The following LIMCH1 variants were observed in gnomAD, a reference collection of about 807,000 sequenced individuals.
LIMCH1 encodes LIM and calponin homology domains 1.
In LIMCH1, 113 loss-of-function variants were observed where a neutral mutation model predicts 176.5. That is an observed-to-expected ratio of 0.64 (90% CI 0.55 to 0.75). The LOEUF (loss-of-function observed/expected upper bound fraction) is 0.75, where lower values mean the gene tolerates loss of function less well. Ranked by LOEUF, LIMCH1 falls within the 30% of genes least tolerant of loss-of-function variation. The probability of loss-of-function intolerance (pLI) is 0.00; values close to 1 mark genes in which losing one functional copy is unlikely to be tolerated. For missense variants in LIMCH1, 1,674 were observed against 1,814.9 expected, an observed-to-expected ratio of 0.92 and a Z score of 1.41; for synonymous variants, 619 against 645.9, an observed-to-expected ratio of 0.96 and a Z score of 0.63.
chr4:41,630,681 A>G (rs376239860), intron 9 of LIMCH1, among the ~76,000 whole-genome samples: 8 of 152,304 alleles, frequency 5.3e-5, no homozygotes, highest in African/African-American at 9.6e-5. Context: ...AATATTTTTC[A>G]TATACAGTCT....
chr4:41,687,523 A>C (rs553711098), intron 28 of LIMCH1, among the ~76,000 whole-genome samples: 5 of 152,218 alleles, frequency 3.3e-5, no homozygotes, highest in Non-Finnish European at 5.9e-5. Context: ...TTTAAAAAAC[A>C]ACCTGGCAAT....
intron 31 of LIMCH1, among the ~76,000 whole-genome samples, chr4:41,693,912 G>C (rs911760082): frequency 3.9e-5 from 6 of 152,086 alleles, no homozygotes; most frequent in African/African-American, 1.4e-4. Context: ...AGAACAACCT[G>C]AACCCCCCTC....
At chr4:41,549,155 G>T (rs553695850) in intron 1 of LIMCH1, among the ~76,000 whole-genome samples, 1 of 152,138 alleles carries the variant, frequency 6.6e-6, no homozygotes, top group South Asian at 2.1e-4. Flanking sequence ...CTCCCAAAGT[G>T]CTGGGATTAC....
At chr4:41,435,798 A>G (rs2062021527) in intron 1 of LIMCH1, among the ~76,000 whole-genome samples, 1 of 152,234 alleles carries the variant, frequency 6.6e-6, no homozygotes, top group South Asian at 2.1e-4. Flanking sequence ...TCAGGGTCTC[A>G]TATAAAAATG....
intron 1 of LIMCH1, among the ~76,000 whole-genome samples, chr4:41,547,687 G>A (rs2079682462): frequency 7.0e-6 from 1 of 142,704 alleles, no homozygotes; most frequent in South Asian, 2.2e-4. Flanking sequence ...ATATATGTAT[G>A]TTATATATAC....
chr4:41,650,345 T>A (rs1417412784), intron 17 of LIMCH1, 48 bp from the exon 18 acceptor site: 2 of 1,342,038 alleles, frequency 1.5e-6, no homozygotes, highest in South Asian at 2.4e-5. Context: ...TTACAGTCTT[T>A]GATTGGGGTA....
chr4:41,605,956 G>A lies in LIMCH1; in HGVS notation c.-40G>A, dbSNP rs538043400. 83 of 1,613,782 alleles carry A rather than the reference G, an allele frequency of 5.1e-5. No individual in the cohort carries two copies. Among genetic ancestry groups the A allele is most frequent in the South Asian group, 3.0e-4 (27 of 91,016 alleles). ...ACAGCTGCACATCCTACAGCGGAAC[G>A]ACACTAAACCTGAAGGAGTTTGAAG... is the stretch of plus-strand genomic sequence containing the variant. On this transcript the variant is annotated 5_prime_UTR_variant, in exon 4 of 32. Coordinates refer to ENST00000503057, the MANE Select transcript of LIMCH1 (RefSeq NM_001330672.2).
At chr4:41,544,838 C>A (rs1451859136) in intron 1 of LIMCH1, among the ~76,000 whole-genome samples, 1 of 152,190 alleles carries the variant, frequency 6.6e-6, no homozygotes, top group Non-Finnish European at 1.5e-5. Flanking sequence ...CTGAGGACTA[C>A]ACAAGATTCA....
chr4:41,567,390 G>A (rs78301439), intron 1 of LIMCH1, among the ~76,000 whole-genome samples: 122 of 152,254 alleles, frequency 8.0e-4, no homozygotes, highest in African/African-American at 2.7e-3. Flanking sequence ...TTATAAGCAC[G>A]TCAGCAAAAC....
chr4:41,659,619 G>A (rs2094554697), intron 18 of LIMCH1, among the ~76,000 whole-genome samples: 1 of 151,958 alleles, frequency 6.6e-6, no homozygotes, highest in East Asian at 1.9e-4. Flanking sequence ...AGAACCCATG[G>A]GGATATTTTA....
At chr4:41,447,625 G>A (rs1033573572) in intron 1 of LIMCH1, among the ~76,000 whole-genome samples, 1 of 152,200 alleles carries the variant, frequency 6.6e-6, no homozygotes, top group African/African-American at 2.4e-5. Context: ...GAAAATTCTT[G>A]TTGAGTAGAT....
At chr4:41,455,393 A>C (rs1334379221) in intron 1 of LIMCH1, among the ~76,000 whole-genome samples, 1 of 152,154 alleles carries the variant, frequency 6.6e-6, no homozygotes, top group Non-Finnish European at 1.5e-5. Context: ...GATTGTATGG[A>C]GTGGGGAGAA....
intron 1 of LIMCH1, among the ~76,000 whole-genome samples, chr4:41,593,905 CACAG>C (rs1447055519): frequency 1.3e-5 from 2 of 152,212 alleles, no homozygotes; most frequent in African/African-American, 4.8e-5. Flanking sequence ...TCTCTGTCTT[CACAG>C]ACAGGCAGAC....
At chr4:41,650,342 CT>C (rs994609195) in intron 17 of LIMCH1, 50 bp from the exon 18 acceptor site, 1 of 1,321,900 alleles carries the variant, frequency 7.6e-7, no homozygotes, top group African/African-American at 1.5e-5. Flanking sequence ...TTGTTACAGT[CT>C]TTGATTGGGG....
At chr4:41,604,275 T>C in intron 3 of LIMCH1, 34 of 909,508 alleles carry the variant, frequency 3.7e-5, no homozygotes, top group Non-Finnish European at 4.5e-5. Flanking sequence ...TGTTGTAGGG[T>C]AAGATCTGCA....
rs543844910 is a variant in LIMCH1 at position 41,631,462 on chromosome 4, G to A, written c.1586G>A (p.Arg529Gln). 9 of 1,513,886 alleles carry A rather than the reference G, an allele frequency of 5.9e-6. No homozygotes were observed. The highest frequency in any genetic ancestry group is 2.8e-5 in the African/African-American group (2 of 72,048). 93.8% of individuals were successfully genotyped at this position (1,513,886 alleles called of 1,614,324 possible). Reference protein sequence around the residue: ...SSLKGHQIFNRQNDCRTMNCG... With the variant: ...SSLKGHQIFNQQNDCRTMNCG... ...TTAAAGGGCCACCAAATATTTAATC[G>A]ACAAAATGACTGCAGGTATTTTTTG... is the stretch of plus-strand genomic sequence containing the variant. The change falls in exon 10 of 32, where the codon CGA (arginine) becomes CAA (glutamine). Residue 529 changes from arginine to glutamine, a missense_variant. Physicochemically the swap from Arg to Gln is conservative, Grantham distance 43. Transcript: ENST00000503057.
At chr4:41,459,084 G>A (rs944477097) in intron 1 of LIMCH1, among the ~76,000 whole-genome samples, 1 of 152,118 alleles carries the variant, frequency 6.6e-6, no homozygotes, top group Non-Finnish European at 1.5e-5. Flanking sequence ...GCTTGGCACT[G>A]TACAAGTTAT....
intron 2 of LIMCH1, 53 bp downstream of exon 2, chr4:41,599,079 C>G: frequency 9.3e-7 from 1 of 1,074,638 alleles, no homozygotes; most frequent in Non-Finnish European, 1.4e-6. Flanking sequence ...GTTTGATTTG[C>G]AATTTTGTGA....
At chr4:41,557,346 T>A (rs1445622953) in intron 1 of LIMCH1, among the ~76,000 whole-genome samples, 1 of 152,164 alleles carries the variant, frequency 6.6e-6, no homozygotes, top group African/African-American at 2.4e-5. Flanking sequence ...GGGAGCCTCA[T>A]GTACTAGTGT....
Sources: allele counts gnomAD v4.1 joint callset (sites outside exome capture counted in the v4.1 genomes callset), GRCh38; gene constraint gnomAD v4.1.1; transcripts MANE v1.5; gene names NCBI Gene and HGNC (gene_info 2026-07-23, HGNC 2026-07-21).